Variants in FBXL17 observed in about 807,000 individuals in gnomAD.
FBXL17 encodes the protein F-box and leucine rich repeat protein 17.
In FBXL17, 22 loss-of-function variants were observed where a neutral mutation model predicts 66.2. The observed-to-expected ratio is 0.33, with a 90% confidence interval of 0.24 to 0.47. The LOEUF (loss-of-function observed/expected upper bound fraction) is 0.47, where lower values mean the gene tolerates loss of function less well. FBXL17 is among the 20% of genes least tolerant of loss of function. The probability of loss-of-function intolerance (pLI) is 1.00; values close to 1 mark genes in which losing one functional copy is unlikely to be tolerated. For missense variants in FBXL17, 878 were observed against 948.2 expected (o/e 0.93, Z 0.97); for synonymous variants, 474 against 400.5 (o/e 1.18, Z -2.19).
At chr5:107,904,943 G>A (rs1178280215) in intron 7 of FBXL17, among the ~76,000 whole-genome samples, 1 of 151,992 alleles carries the variant, frequency 6.6e-6, no homozygotes, top group Non-Finnish European at 1.5e-5. Context: ...GCAGGAGGAG[G>A]AGGGTGAAGG....
intron 6 of FBXL17, among the ~76,000 whole-genome samples, chr5:108,165,344 C>T (rs1752377609): frequency 7.3e-6 from 1 of 137,704 alleles, no homozygotes; most frequent in South Asian, 2.3e-4. Flanking sequence ...TAAATGTAAA[C>T]AGTGGAAATC....
Position 108,268,380 on chromosome 5 carries a change from C to T in FBXL17, c.1507-44152G>A, listed in dbSNP as rs370238665. Among the ~76,000 whole-genome samples the T allele has an allele frequency of 8.6e-4, 131 of 152,062 alleles. 2 individuals carry two copies. In the South Asian group the frequency reaches 0.025, roughly 29 times the overall value. Reference sequence around the variant, plus strand: ...TTTTTACTTTCGAAGCATTTTATCTCAAAGTATAAGATTTAAAGGCAAATC... The same window carrying T: ...TTTTTACTTTCGAAGCATTTTATCTTAAAGTATAAGATTTAAAGGCAAATC... On this transcript the variant is annotated intron_variant, in intron 4 of 8. Transcript: ENST00000542267.
Position 107,909,546 on chromosome 5 carries a change from C to T in FBXL17, c.1823-28367G>A, listed in dbSNP as rs568722130. 3.3e-5 allele frequency among the ~76,000 whole-genome samples: 5 copies of T among 152,290 alleles called. No individual in the cohort carries two copies. In the South Asian group the frequency reaches 1.0e-3, roughly 32 times the overall value. On this transcript the variant is annotated intron_variant, in intron 7 of 8. Coordinates refer to ENST00000542267, the MANE Select transcript of FBXL17 (RefSeq NM_001163315.3). ...CTATTAGTTCTGGAGGCCTTTGAAA[C>T]ATTTTGCCCCTAAACTAAAATATTT... is the stretch of plus-strand genomic sequence containing the variant.
Position 108,040,968 on chromosome 5 carries a change from G to A in FBXL17, c.1746-19967C>T, listed in dbSNP as rs537366860. 2.1e-3 allele frequency among the ~76,000 whole-genome samples: 321 copies of A among 152,238 alleles called. 2 individuals are homozygous for A. The highest frequency in any genetic ancestry group is 7.2e-3 in the African/African-American group (298 of 41,544). On this transcript the variant is annotated intron_variant, in intron 6 of 8. Transcript: ENST00000542267. ...CACAGGATTTGGAATCAGAGACCTTGGTTTGAGTCTGGTTTCTGTCTTGTA... is the reference window on the plus strand; with the variant it reads ...CACAGGATTTGGAATCAGAGACCTTAGTTTGAGTCTGGTTTCTGTCTTGTA...
chr5:108,259,625 C>T (rs574285271), intron 4 of FBXL17, among the ~76,000 whole-genome samples: 3 of 152,036 alleles, frequency 2.0e-5, no homozygotes, highest in Admixed American at 6.5e-5. Context: ...GAAAAAAATT[C>T]GAGAACTTCT....
chr5:107,872,601 T>G (rs1748493173), intron 8 of FBXL17, among the ~76,000 whole-genome samples: 1 of 152,176 alleles, frequency 6.6e-6, no homozygotes, highest in Admixed American at 6.5e-5. Context: ...TAGCAACTAG[T>G]ATGTACCAGC....
chr5:108,198,620 C>A (rs999123195), intron 5 of FBXL17, among the ~76,000 whole-genome samples: 1 of 152,106 alleles, frequency 6.6e-6, no homozygotes, highest in African/African-American at 2.4e-5. Context: ...TATTTGAAAT[C>A]CAGGTCAAGA....
At chr5:108,112,277 T>A (rs1283781066) in intron 6 of FBXL17, among the ~76,000 whole-genome samples, 1 of 152,148 alleles carries the variant, frequency 6.6e-6, no homozygotes, top group Non-Finnish European at 1.5e-5. Flanking sequence ...CATTAAGGAA[T>A]AAGTGGGAAA....
intron 4 of FBXL17, among the ~76,000 whole-genome samples, chr5:108,277,305 ATTG>A (rs1375888540): frequency 1.3e-5 from 2 of 152,168 alleles, no homozygotes; most frequent in Admixed American, 1.3e-4. Context: ...ATCTGATTTT[ATTG>A]TTATTATTTT....
At position 108,381,917 on chromosome 5, in the gene FBXL17, G is replaced by A. The variant is rs994976056; in HGVS notation, c.-226C>T. 7.9e-7 allele frequency: 1 copy of A among 1,262,200 alleles called. No homozygotes were observed. Among genetic ancestry groups the A allele is most frequent in the East Asian group, 3.2e-5 (1 of 31,458 alleles). The allele number at this position is 1,262,200 out of a possible 1,614,324, so 78.2% of individuals were successfully genotyped here. On this transcript the variant is annotated 5_prime_UTR_variant, in exon 1 of 9. Transcript: ENST00000542267. ...TACATGCTTTGCCCAGGGAAGCCGG[G>A]AGAACGATGGGCGCGAGCTTTGGGG...
At chr5:108,050,352 A>C (rs1053518169) in intron 6 of FBXL17, among the ~76,000 whole-genome samples, 1 of 152,250 alleles carries the variant, frequency 6.6e-6, no homozygotes, top group Non-Finnish European at 1.5e-5. Context: ...AACTGAAATC[A>C]TAACAAACAT....
At position 108,335,407 on chromosome 5, in the gene FBXL17, A is replaced by G. The variant is rs575275535; in HGVS notation, c.1506+12992T>C. Among the ~76,000 whole-genome samples, 3 of 152,120 alleles carry G rather than the reference A, an allele frequency of 2.0e-5. No homozygotes were observed. In the East Asian group the frequency reaches 5.8e-4, roughly 29 times the overall value. On this transcript the variant is annotated intron_variant, in intron 4 of 8. Coordinates refer to ENST00000542267, the MANE Select transcript of FBXL17 (RefSeq NM_001163315.3). ...TAGGACCAGAAGAGGAAACTGCATGATTATAAGTTACAAGCAAATTTAATG... is the reference window on the plus strand; with the variant it reads ...TAGGACCAGAAGAGGAAACTGCATGGTTATAAGTTACAAGCAAATTTAATG...
chr5:108,134,227 T>G (rs1451324475), intron 6 of FBXL17, among the ~76,000 whole-genome samples: 1 of 152,160 alleles, frequency 6.6e-6, no homozygotes, highest in Non-Finnish European at 1.5e-5. Flanking sequence ...CCCCAAACTC[T>G]TGTATTTCAT....
intron 6 of FBXL17, among the ~76,000 whole-genome samples, chr5:108,097,346 A>C (rs1241391240): frequency 6.6e-6 from 1 of 152,226 alleles, no homozygotes; most frequent in Non-Finnish European, 1.5e-5. Context: ...TGGCATTGTG[A>C]AAATGGACTA....
At chr5:108,300,047 A>C (rs1473287513) in intron 4 of FBXL17, among the ~76,000 whole-genome samples, 1 of 152,108 alleles carries the variant, frequency 6.6e-6, no homozygotes, top group Non-Finnish European at 1.5e-5. Flanking sequence ...TAAAAACCAG[A>C]AATAGATAAT....
intron 6 of FBXL17, among the ~76,000 whole-genome samples, chr5:108,167,497 A>T (rs1231364422): frequency 1.3e-5 from 2 of 152,212 alleles, no homozygotes; most frequent in Non-Finnish European, 2.9e-5. Context: ...ATTTTGGAAC[A>T]AAAACAAAAA....
At chr5:107,891,987 C>T (rs569507107) in intron 7 of FBXL17, among the ~76,000 whole-genome samples, 3 of 152,218 alleles carry the variant, frequency 2.0e-5, no homozygotes, top group African/African-American at 4.8e-5. Context: ...TACAGAACAT[C>T]GTAACTTAGC....
intron 6 of FBXL17, among the ~76,000 whole-genome samples, chr5:108,160,300 C>A (rs116808810): frequency 2.6e-4 from 40 of 152,318 alleles, no homozygotes; most frequent in African/African-American, 9.1e-4. Flanking sequence ...GGGTTACACA[C>A]TGATGAACAG....
intron 4 of FBXL17, among the ~76,000 whole-genome samples, chr5:108,251,878 T>C (rs1462428229): frequency 1.3e-5 from 2 of 152,110 alleles, no homozygotes; most frequent in African/African-American, 2.4e-5. Flanking sequence ...GATATAGACA[T>C]ATTCATTGAT....
Sources: gnomAD v4.1 joint callset for allele counts (sites outside exome capture counted in the v4.1 genomes callset) on GRCh38, gnomAD v4.1.1 for gene constraint, MANE v1.5 for transcripts, NCBI Gene and HGNC (gene_info 2026-07-23, HGNC 2026-07-21) for gene names.